MCTP1: variants seen among roughly 807,000 people sequenced by gnomAD.
The protein encoded by MCTP1 is multiple C2 and transmembrane domain containing 1, also known as multiple C2 and transmembrane domain-containing protein 1.
MCTP1 carries 69 observed loss-of-function variants against 120.6 expected under a neutral mutation model. The ratio of observed to expected loss-of-function variants is 0.57; its 90% CI spans 0.47 to 0.70. The LOEUF (loss-of-function observed/expected upper bound fraction) is 0.70. MCTP1 is among the 30% of genes least tolerant of loss of function. MCTP1 has a pLI of 0.00. For synonymous variants in MCTP1, 529 were observed against 493.1 expected (o/e 1.07, Z -0.96); for missense variants, 1,203 against 1,248.8 (o/e 0.96, Z 0.55).
At chr5:95,257,430 AG>A (rs1363393310) in intron 1 of MCTP1, among the ~76,000 whole-genome samples, 2 of 152,224 alleles carry the variant, frequency 1.3e-5, no homozygotes, top group African/African-American at 4.8e-5. Context: ...TGAAGACAAC[AG>A]AAAACTATTT....
chr5:95,114,677 G>T (rs985238705), intron 1 of MCTP1, among the ~76,000 whole-genome samples: 1 of 152,198 alleles, frequency 6.6e-6, no homozygotes, highest in African/African-American at 2.4e-5. Flanking sequence ...TAAGGTTTTT[G>T]ACTGTAGTCC....
intron 1 of MCTP1, among the ~76,000 whole-genome samples, chr5:95,098,826 C>G (rs1317533266): frequency 1.3e-5 from 2 of 151,736 alleles, no homozygotes; most frequent in Non-Finnish European, 3.0e-5. Context: ...CAATCCTAAG[C>G]CAAAAGAACA....
At chr5:94,748,050 A>G (rs1289465701) in intron 19 of MCTP1, among the ~76,000 whole-genome samples, 2 of 152,194 alleles carry the variant, frequency 1.3e-5, no homozygotes, top group African/African-American at 4.8e-5. Flanking sequence ...AGATTGTGCC[A>G]TTGCACTCCA....
chr5:95,283,806 G>C, intron 1 of MCTP1, 50 bp downstream of exon 1: 2 of 1,309,282 alleles, frequency 1.5e-6, no homozygotes, highest in South Asian at 2.2e-5. Flanking sequence ...GCCTGAAGAG[G>C]GAGGCGTGGT....
intron 1 of MCTP1, among the ~76,000 whole-genome samples, chr5:95,075,509 A>G (rs756593061): frequency 9.9e-5 from 15 of 152,194 alleles, no homozygotes; most frequent in East Asian, 1.9e-4. Context: ...AATAGATACA[A>G]TGAGGAAGAG....
At chr5:94,940,595 TATACAC>T (rs1181313957) in intron 4 of MCTP1, among the ~76,000 whole-genome samples, 1 of 144,582 alleles carries the variant, frequency 6.9e-6, no homozygotes, top group Non-Finnish European at 1.5e-5. Context: ...TGTATATATA[TATACAC>T]ATATACATAT....
chr5:95,070,146 A>T (rs2152222877), intron 1 of MCTP1, among the ~76,000 whole-genome samples: 1 of 152,294 alleles, frequency 6.6e-6, no homozygotes, highest in East Asian at 1.9e-4. Flanking sequence ...GTTGTTATCT[A>T]GGTTCTCTCC....
intron 17 of MCTP1, among the ~76,000 whole-genome samples, chr5:94,801,749 G>A (rs1479981027): frequency 6.6e-6 from 1 of 152,136 alleles, no homozygotes; most frequent in Non-Finnish European, 1.5e-5. Flanking sequence ...CCATGGATTG[G>A]TGTTAGCTGC....
chr5:95,239,008 CT>C (rs1448917679), intron 1 of MCTP1, among the ~76,000 whole-genome samples: 1 of 152,070 alleles, frequency 6.6e-6, no homozygotes, highest in Admixed American at 6.6e-5. Context: ...TTTACAAAAG[CT>C]TTTTGGCTAT....
chr5:95,272,998 A>G (rs1314775741), intron 1 of MCTP1, among the ~76,000 whole-genome samples: 1 of 152,254 alleles, frequency 6.6e-6, no homozygotes, highest in Non-Finnish European at 1.5e-5. Flanking sequence ...AGAGGAAAAC[A>G]AAGAAGAAAA....
intron 17 of MCTP1, among the ~76,000 whole-genome samples, chr5:94,831,716 T>G (rs1458427849): frequency 6.6e-6 from 1 of 152,208 alleles, no homozygotes; most frequent in Non-Finnish European, 1.5e-5. Context: ...TTAAAAGCTC[T>G]TTTCAAATTA....
At chr5:95,164,451 A>G (rs1562196773) in intron 1 of MCTP1, among the ~76,000 whole-genome samples, 1 of 152,178 alleles carries the variant, frequency 6.6e-6, no homozygotes, top group Non-Finnish European at 1.5e-5. Flanking sequence ...TCCCCCCAAA[A>G]AATGCTTCAT....
In MCTP1 at chr5:94,755,921, A is replaced by G. The variant is rs10476530; in HGVS notation, c.2610+23189T>C. Reference sequence around the variant, plus strand: ...ATACCTTATTCGATGTCCTGGTGACATTTCAAACTCGACATGTTAGAAACA... The same window carrying G: ...ATACCTTATTCGATGTCCTGGTGACGTTTCAAACTCGACATGTTAGAAACA... On this transcript the variant is annotated intron_variant, in intron 19 of 22. Transcript: ENST00000515393. Among the ~76,000 whole-genome samples, 1,397 of 152,290 alleles carry G rather than the reference A, an allele frequency of 9.2e-3. 26 individuals are homozygous for G. The highest frequency in any genetic ancestry group is 0.032 in the African/African-American group (1,348 of 41,544).
intron 1 of MCTP1, among the ~76,000 whole-genome samples, chr5:95,089,025 C>A (rs1053414116): frequency 1.3e-5 from 2 of 152,108 alleles, no homozygotes; most frequent in African/African-American, 2.4e-5. Context: ...GATGGCAACC[C>A]AAGGAAAAGA....
In MCTP1 at chr5:94,707,481, A is replaced by G. The variant is rs756823802; in HGVS notation, c.*15T>C. On this transcript the variant is annotated 3_prime_UTR_variant, in exon 23 of 23. Transcript: ENST00000515393. ...TTCCCAAACAGATGCTGGTCTCCTC[A>G]GTGCTGGGAGCTGGCTAGCCAAGAT... 2.5e-6 allele frequency: 4 copies of G among 1,598,400 alleles called. No homozygotes were observed. In the Admixed American group the frequency reaches 6.7e-5, roughly 27 times the overall value.
intron 17 of MCTP1, among the ~76,000 whole-genome samples, chr5:94,863,129 T>A (rs1796134305): frequency 6.6e-6 from 1 of 151,820 alleles, no homozygotes; most frequent in African/African-American, 2.4e-5. Context: ...GAAACATACA[T>A]GAAGAAAGAT....
At chr5:94,978,048 T>G (rs1360021076) in intron 2 of MCTP1, among the ~76,000 whole-genome samples, 1 of 152,106 alleles carries the variant, frequency 6.6e-6, no homozygotes, top group Admixed American at 6.6e-5. Context: ...AATCTGATTT[T>G]AAAACTGGGC....
At chr5:94,909,471 A>T (rs1807877029) in intron 9 of MCTP1, 90 bp from the exon 10 acceptor site, 1 of 1,332,160 alleles carries the variant, frequency 7.5e-7, no homozygotes, top group Non-Finnish European at 1.0e-6. Context: ...TTGGTACTAT[A>T]GTATCTAGAA....
At position 95,262,925 on chromosome 5, in the gene MCTP1, C is replaced by T. The variant is rs1055548283; in HGVS notation, c.720+20931G>A. Among the ~76,000 whole-genome samples the T allele has an allele frequency of 3.9e-5, 6 of 152,084 alleles. No homozygotes were observed. In the South Asian group the frequency reaches 6.2e-4, roughly 16 times the overall value. On this transcript the variant is annotated intron_variant, in intron 1 of 22. Transcript: ENST00000515393. ...ATATATTTGTTATTCAATTTGATTT[C>T]GCATTATGGGGCATTTACTATGTGC...
Sources: allele counts gnomAD v4.1 joint callset (sites outside exome capture counted in the v4.1 genomes callset), GRCh38; gene constraint gnomAD v4.1.1; transcripts MANE v1.5; gene names NCBI Gene and HGNC (gene_info 2026-07-23, HGNC 2026-07-21).